HES7: variants seen among roughly 807,000 people sequenced by gnomAD.
The protein encoded by HES7 is hes family bHLH transcription factor 7, also known as transcription factor HES-7.
Under a neutral mutation model 18.0 loss-of-function variants are expected in HES7, and 8 were observed. That is an observed-to-expected ratio of 0.45 (90% confidence interval 0.26 to 0.80). HES7 has a LOEUF of 0.80. Ranked by LOEUF, HES7 falls within the 30% of genes least tolerant of loss-of-function variation. The pLI, the probability that HES7 is intolerant of heterozygous loss-of-function variation, is 0.18. For missense variants in HES7, 356 were observed against 340.9 expected (o/e 1.04, Z -0.35); for synonymous variants, 170 against 158.6 (o/e 1.07, Z -0.54).
Position 8,123,045 on chromosome 17 carries a change from G to A in HES7, c.124C>T (p.Arg42Trp). The change falls in exon 2 of 4, where the codon CGG (arginine) becomes TGG (tryptophan). Residue 42 changes from arginine (R) to tryptophan (W), a missense_variant. Arg to Trp is a moderately radical substitution (Grantham distance 101). Transcript: ENST00000541682. This position sits in a 1 kb window ranked among gnomAD's most constrained non-coding sequence, Gnocchi z 5.9. Reference sequence around the variant, plus strand: ...GAGGGACTGACCTGGTCCCGGGTCCGCTCCAGCAGCAGCAGCCTCAGCTCT... The same window carrying A: ...GAGGGACTGACCTGGTCCCGGGTCCACTCCAGCAGCAGCAGCCTCAGCTCT... ...LEELRLLLLE[R>W]TRDQNLRNPK... 1.2e-6 allele frequency: 2 copies of A among 1,600,586 alleles called. No homozygotes were observed. The highest frequency in any genetic ancestry group is 1.7e-6 in the Non-Finnish European group (2 of 1,173,812).
chr17:8,124,801 C>A (rs186206599), upstream of HES7, among the ~76,000 whole-genome samples: 4 of 152,282 alleles, frequency 2.6e-5, no homozygotes, highest in Admixed American at 1.3e-4. Context: ...GAAGTAGGTG[C>A]TCCGGGAAAA....
chr17:8,121,884 A>C lies in HES7; in HGVS notation c.380T>G (p.Leu127Arg), dbSNP rs376794942. The C allele has an allele frequency of 1.3e-6, 2 of 1,571,930 alleles. No homozygotes were observed. Among genetic ancestry groups the C allele is most frequent in the African/African-American group, 1.4e-5 (1 of 71,178 alleles). ...CGGTTTGGGGCGCAGATAGCCGTGC[A>C]GCGCGGAGAAGAGCTGGGCGCGGGC... ...PAARAQLFSA[L>R]HGYLRPKPPR... The change falls in exon 4 of 4, where the codon CTG (leucine) becomes CGG (arginine). Residue 127 changes from leucine to arginine, a missense_variant. Coordinates refer to ENST00000541682, the MANE Select transcript of HES7 (RefSeq NM_001165967.2).
chr17:8,124,273 C>G (rs1047597158), upstream of HES7, among the ~76,000 whole-genome samples: 4 of 152,070 alleles, frequency 2.6e-5, no homozygotes, highest in African/African-American at 7.2e-5. Flanking sequence ...AGAAACTGGC[C>G]TGGGAGTGCG....
Position 8,121,534 on chromosome 17 carries a change from C to A in HES7, c.*37G>T. On this transcript the variant is annotated 3_prime_UTR_variant, in exon 4 of 4. Transcript: ENST00000541682. Reference sequence around the variant, plus strand: ...GCTGCCCTCGGGCTGGAGTCTCTACCCCACCCCTAGACCCCGCCCCCACCA... The same window carrying A: ...GCTGCCCTCGGGCTGGAGTCTCTACACCACCCCTAGACCCCGCCCCCACCA... 1 of 1,285,234 alleles carries A rather than the reference C, an allele frequency of 7.8e-7. No individual in the cohort carries two copies. Among genetic ancestry groups the A allele is most frequent in the Admixed American group, 4.2e-5 (1 of 23,980 alleles). 79.6% of individuals were successfully genotyped at this position (1,285,234 alleles called of 1,614,324 possible). A position where few individuals can be genotyped will look rare whatever the true frequency, so the allele number is the denominator to read the frequency against.
chr17:8,126,326 G>A (rs577622485), upstream of HES7, among the ~76,000 whole-genome samples: 11 of 152,124 alleles, frequency 7.2e-5, no homozygotes, highest in South Asian at 2.3e-3. Flanking sequence ...TCTGCCCTGG[G>A]TCTCTCTGGT....
upstream of HES7, among the ~76,000 whole-genome samples, chr17:8,124,498 T>G (rs140639313): frequency 4.4e-3 from 671 of 152,292 alleles, 7 homozygotes; most frequent in Non-Finnish European, 6.0e-3. Flanking sequence ...AGGCTGAATT[T>G]TATACATCAT....
At chr17:8,126,102 G>T (rs1242758553), upstream of HES7, among the ~76,000 whole-genome samples, 1 of 151,898 alleles carries the variant, frequency 6.6e-6, no homozygotes, top group Non-Finnish European at 1.5e-5. Context: ...GCCCCCCGCG[G>T]GGGAAGGGCC....
rs1395774886 is a variant in HES7, at chr17:8,121,985, G to A, written c.279C>T (p.Leu93=). 2 of 1,535,070 alleles carry A rather than the reference G, an allele frequency of 1.3e-6. No individual in the cohort carries two copies. The highest frequency in any genetic ancestry group is 8.7e-7 in the Non-Finnish European group (1 of 1,150,202). Residue 93 remains leucine, a synonymous_variant, in exon 4 of 4, where the codon CTC becomes CTT. Coordinates refer to ENST00000541682, the MANE Select transcript of HES7 (RefSeq NM_001165967.2). ...GGAAACCGGACAAGTAGCAGCTGGC[G>A]AGCGCCTCGGCGTCCTGGACTGGGG... The part of the protein sequence containing the change: ...PRSPVQDAEA[L]ASCYLSGFRE...
chr17:8,122,054 G>C lies in HES7; in HGVS notation c.227-17C>G. 2 of 1,494,124 alleles carry C rather than the reference G, an allele frequency of 1.3e-6. No homozygotes were observed. The highest frequency in any genetic ancestry group is 1.8e-6 in the Non-Finnish European group (2 of 1,130,588). 92.6% of individuals were successfully genotyped at this position (1,494,124 alleles called of 1,614,324 possible). On this transcript the variant is annotated splice_polypyrimidine_tract_variant and intron_variant, in intron 3 of 3. Transcript: ENST00000541682. The surrounding 1 kb of genome is among the most constrained non-coding windows in gnomAD (Gnocchi z 6.9). ...CCGCGGCGGCTGGTGCGGCCGGCGG[G>C]AGCACAGGTGGGCAGGGCAGGGGCC...
chr17:8,123,277 C>A lies in HES7; in HGVS notation c.43-151G>T. On this transcript the variant is annotated intron_variant, in intron 1 of 3. Transcript: ENST00000541682. The surrounding 1 kb of genome is among the most constrained non-coding windows in gnomAD (Gnocchi z 5.9). The stretch of plus-strand genomic sequence containing the variant: ...GGGCCGGCCCCATTCGATCCCTCTC[C>A]GCTCCCCCTCCCAATGCCCCTAGAT... The A allele has an allele frequency of 1.5e-6, 1 of 656,438 alleles. No individual in the cohort carries two copies. The highest frequency in any genetic ancestry group is 2.3e-5 in the Admixed American group (1 of 42,806). 40.7% of individuals were successfully genotyped at this position (656,438 alleles called of 1,614,324 possible). A position where few individuals can be genotyped will look rare whatever the true frequency, so the allele number is the denominator to read the frequency against.
Position 8,122,124 on chromosome 17 carries a change from G to C in HES7, c.227-87C>G. 8.1e-7 allele frequency: 1 copy of C among 1,228,486 alleles called. No homozygotes were observed. The highest frequency in any genetic ancestry group is 1.1e-6 in the Non-Finnish European group (1 of 907,022). 76.1% of individuals were successfully genotyped at this position (1,228,486 alleles called of 1,614,324 possible). ...GGCGGGGCGCAGAGATACCAAGGCC[G>C]GACAGGCGCACAGAGACAGGAAGCC... On this transcript the variant is annotated intron_variant, in intron 3 of 3. Coordinates refer to ENST00000541682, the MANE Select transcript of HES7 (RefSeq NM_001165967.2). The surrounding 1 kb of genome is among the most constrained non-coding windows in gnomAD (Gnocchi z 6.9).
rs749469291 is a variant in HES7 at position 8,121,802 on chromosome 17, G to GGGGTCCAGGGATGGGCGCGGCGCT, written c.438_461dup (p.Pro148_Ala155dup). 8.3e-6 allele frequency: 13 copies of GGGGTCCAGGGATGGGCGCGGCGCT among 1,559,152 alleles called. No individual in the cohort carries two copies. The highest frequency in any genetic ancestry group is 1.0e-5 in the Non-Finnish European group (12 of 1,164,330). On this transcript the variant is annotated inframe_insertion, in exon 4 of 4. Coordinates refer to ENST00000541682, the MANE Select transcript of HES7 (RefSeq NM_001165967.2). ...GCGCAGGGCCAAGGGCCGGTGCGGC[G>GGGGTCCAGGGATGGGCGCGGCGCT]GGGTCCAGGGATGGGCGCGGCGCTG...
chr17:8,122,967 A>T lies in HES7; in HGVS notation c.138+64T>A. On this transcript the variant is annotated intron_variant, in intron 2 of 3. Transcript: ENST00000541682. This position sits in a 1 kb window ranked among gnomAD's most constrained non-coding sequence, Gnocchi z 6.9. ...CCAACCAAGCTTGTGTCCCCACCCC[A>T]GTGGGAAGCCCTGGGACGCGGAAAC... The T allele has an allele frequency of 7.5e-7, 1 of 1,326,860 alleles. No individual in the cohort carries two copies. The highest frequency in any genetic ancestry group is 1.1e-6 in the Non-Finnish European group (1 of 941,586). The allele number at this position is 1,326,860 out of a possible 1,614,324, so 82.2% of individuals were successfully genotyped here.
Position 8,121,968 on chromosome 17 carries a change from G to T in HES7, c.296C>A (p.Ser99Tyr). The T allele has an allele frequency of 6.4e-7, 1 of 1,550,978 alleles. No homozygotes were observed. Among genetic ancestry groups the T allele is most frequent in the Non-Finnish European group, 8.6e-7 (1 of 1,158,708 alleles). ...GCGAAGCAGGCACTCGCGGAAACCG[G>T]ACAAGTAGCAGCTGGCGAGCGCCTC... ...DAEALASCYLSGFRECLLRLA... is the reference protein window; with the variant it reads ...DAEALASCYLYGFRECLLRLA... Residue 99 changes from serine (S) to tyrosine (Y), a missense_variant, in exon 4 of 4, where the codon TCC becomes TAC. Coordinates refer to ENST00000541682, the MANE Select transcript of HES7 (RefSeq NM_001165967.2).
chr17:8,125,459 G>A (rs567372104), upstream of HES7, among the ~76,000 whole-genome samples: 1 of 152,280 alleles, frequency 6.6e-6, no homozygotes, highest in Non-Finnish European at 1.5e-5. Flanking sequence ...GTCCCCATCA[G>A]CCCCCGCCGC....
upstream of HES7, chr17:8,124,121 C>G: frequency 6.2e-7 from 1 of 1,613,624 alleles, no homozygotes; most frequent in South Asian, 1.1e-5. Context: ...GTTCCCTGCT[C>G]GCCTGGAGCC....
chr17:8,121,794 G>A lies in HES7; in HGVS notation c.470C>T (p.Pro157Leu), dbSNP rs1415562934. The A allele has an allele frequency of 1.6e-5, 25 of 1,554,776 alleles. No homozygotes were observed. The highest frequency in any genetic ancestry group is 2.2e-5 in the Non-Finnish European group (25 of 1,162,476). Residue 157 changes from proline to leucine, a missense_variant, in exon 4 of 4, where the codon CCG (proline) becomes CTG (leucine). Physicochemically the swap from Pro to Leu is moderately conservative, Grantham distance 98. Transcript: ENST00000541682. Reference sequence around the variant, plus strand: ...CTGGTGCAGCGCAGGGCCAAGGGCCGGTGCGGCGGGGTCCAGGGATGGGCG... The same window carrying A: ...CTGGTGCAGCGCAGGGCCAAGGGCCAGTGCGGCGGGGTCCAGGGATGGGCG... ...APRPSLDPAA[P>L]ALGPALHQRP...
At position 8,123,186 on chromosome 17, in the gene HES7, C is replaced by G; in HGVS notation, c.43-60G>C. On this transcript the variant is annotated intron_variant, in intron 1 of 3. Transcript: ENST00000541682. This position sits in a 1 kb window ranked among gnomAD's most constrained non-coding sequence, Gnocchi z 5.9. ...AGACCGAGACTCAGTGCGGCCGCCC[C>G]GGCGTCGGATCCCGCCGCTGGGAGA... 1.5e-6 allele frequency: 2 copies of G among 1,378,736 alleles called. No individual in the cohort carries two copies. Among genetic ancestry groups the G allele is most frequent in the South Asian group, 1.2e-5 (1 of 81,122 alleles). The allele number at this position is 1,378,736 out of a possible 1,614,324, so 85.4% of individuals were successfully genotyped here.
rs1031718879 is a variant in HES7, at chr17:8,123,284, C to G, written c.43-158G>C. On this transcript the variant is annotated intron_variant, in intron 1 of 3. Transcript: ENST00000541682. The surrounding 1 kb of genome is among the most constrained non-coding windows in gnomAD (Gnocchi z 5.9). ...CCCCATTCGATCCCTCTCCGCTCCC[C>G]CTCCCAATGCCCCTAGATCAGTTTC... The G allele has an allele frequency of 3.9e-5, 25 of 646,518 alleles. No homozygotes were observed. The highest frequency in any genetic ancestry group is 7.0e-5 in the Non-Finnish European group (25 of 356,404). 40.0% of individuals were successfully genotyped at this position (646,518 alleles called of 1,614,324 possible).
Sources: gnomAD v4.1 joint callset for allele counts (sites outside exome capture counted in the v4.1 genomes callset) on GRCh38, gnomAD v4.1.1 for gene constraint, Gnocchi (gnomAD v3.1) non-coding constraint, MANE v1.5 for transcripts, NCBI Gene and HGNC (gene_info 2026-07-23, HGNC 2026-07-21) for gene names.